NFAT5: variants seen among roughly 807,000 people sequenced by gnomAD.
NFAT5 encodes nuclear factor of activated T cells 5, also known as nuclear factor of activated T-cells 5.
A neutral mutation model predicts 166.5 loss-of-function variants in NFAT5; 31 were observed. The ratio of observed to expected loss-of-function variants is 0.19; its 90% CI spans 0.14 to 0.25. The LOEUF (loss-of-function observed/expected upper bound fraction) is 0.25, where lower values mean the gene tolerates loss of function less well. Ranked by LOEUF, NFAT5 falls within the 10% of genes least tolerant of loss-of-function variation. The pLI, the probability that NFAT5 is intolerant of heterozygous loss-of-function variation, is 1.00. For missense variants in NFAT5, 1,449 were observed against 1,821.8 expected (o/e 0.80, Z 3.72); for synonymous variants, 612 against 639.7 (o/e 0.96, Z 0.65).
At chr16:69,686,955 C>T (rs922100306) in intron 11 of NFAT5, among the ~76,000 whole-genome samples, 4 of 152,108 alleles carry the variant, frequency 2.6e-5, no homozygotes, top group African/African-American at 9.7e-5. Flanking sequence ...TTGACACCAG[C>T]TTGATGTTCT....
intron 2 of NFAT5, among the ~76,000 whole-genome samples, chr16:69,601,711 T>A (rs1402450903): frequency 6.6e-6 from 1 of 152,242 alleles, no homozygotes; most frequent in Non-Finnish European, 1.5e-5. Context: ...AATTAGCCAA[T>A]CCTTTGGTGA....
At chr16:69,574,325 T>G (rs1327003588) in intron 2 of NFAT5, among the ~76,000 whole-genome samples, 1 of 152,232 alleles carries the variant, frequency 6.6e-6, no homozygotes, top group Non-Finnish European at 1.5e-5. Context: ...AATAGAAATG[T>G]TGCTTATTAA....
intron 3 of NFAT5, among the ~76,000 whole-genome samples, chr16:69,639,771 G>A (rs999021160): frequency 6.6e-6 from 1 of 152,060 alleles, no homozygotes; most frequent in African/African-American, 2.4e-5. Context: ...CTTCTTCCAC[G>A]CTTCAAAAGA....
At position 69,638,057 on chromosome 16, in the gene NFAT5, A is replaced by G. The variant is rs144343198; in HGVS notation, c.254-8971A>G. Among the ~76,000 whole-genome samples, 460 of 152,166 alleles carry G rather than the reference A, an allele frequency of 3.0e-3. 4 individuals are homozygous for G. Among genetic ancestry groups the G allele is most frequent in the African/African-American group, 0.011 (438 of 41,508 alleles). On this transcript the variant is annotated intron_variant, in intron 3 of 14. Transcript: ENST00000349945. ...AACATGATGAAACCCTGGCTCTACTAAAAATACAAAAATTATCTGGGCATG... is the reference window on the plus strand; with the variant it reads ...AACATGATGAAACCCTGGCTCTACTGAAAATACAAAAATTATCTGGGCATG...
chr16:69,692,515 A>G lies in NFAT5; in HGVS notation c.2690A>G (p.Gln897Arg), dbSNP rs762105144. The G allele has an allele frequency of 9.9e-6, 16 of 1,609,660 alleles. No homozygotes were observed. Among genetic ancestry groups the G allele is most frequent in the Non-Finnish European group, 1.0e-5 (12 of 1,176,580 alleles). Reference sequence around the variant, plus strand: ...CAGTCTGAAAACACGTTATCTAATCAACAGCAGCAGCAGCAGCAGCAACAG... The same window carrying G: ...CAGTCTGAAAACACGTTATCTAATCGACAGCAGCAGCAGCAGCAGCAACAG... ...HPQSENTLSN[Q>R]QQQQQQQQQV... Residue 897 changes from glutamine to arginine, a missense_variant, in exon 13 of 15, where the codon CAA becomes CGA. This residue lies in a region of NFAT5 where 891 missense variants were observed against 993.0 expected (regional missense o/e 0.90). Transcript: ENST00000349945.
In NFAT5 at chr16:69,643,217, C is replaced by CAAA. The variant is rs34260614; in HGVS notation, c.254-3795_254-3793dup. Among the ~76,000 whole-genome samples, 48 of 88,842 alleles carry CAAA rather than the reference C, an allele frequency of 5.4e-4. 1 individual carries two copies. Among genetic ancestry groups the CAAA allele is most frequent in the African/African-American group, 2.0e-3 (47 of 23,298 alleles). The allele number at this position is 88,842 out of a possible 152,430, so 58.3% of individuals were successfully genotyped here. On this transcript the variant is annotated intron_variant, in intron 3 of 14. Coordinates refer to ENST00000349945, the MANE Select transcript of NFAT5 (RefSeq NM_138713.4). ...TGGGCAACAGAGCGAGAGTCCCTCT[C>CAAA]AAAAAAAAAAAAAAAAAAGAATATA...
chr16:69,627,347 TA>T lies in NFAT5; in HGVS notation c.253+820del, dbSNP rs2034512685. On this transcript the variant is annotated intron_variant, in intron 3 of 14. Transcript: ENST00000349945. ...ACATATATATATATATATATATATA[TA>T]TATATATATATATATATATATATAT... Among the ~76,000 whole-genome samples, 4 of 1,606 alleles carry T rather than the reference TA, an allele frequency of 2.5e-3. No homozygotes were observed. The South Asian group carries it at 0.052, about 21-fold the overall frequency. The allele number at this position is 1,606 out of a possible 152,430, so 1.1% of individuals were successfully genotyped here.
Position 69,700,032 on chromosome 16 carries a change from AG to A in NFAT5, c.*3682del, listed in dbSNP as rs1005542242. 4.6e-5 allele frequency: 7 copies of A among 152,204 alleles called. No individual in the cohort carries two copies. The highest frequency in any genetic ancestry group is 1.0e-4 in the Non-Finnish European group (7 of 68,030). 9.4% of individuals were successfully genotyped at this position (152,204 alleles called of 1,614,324 possible). The stretch of plus-strand genomic sequence containing the variant: ...GTTTTAAAACAAATAGTTTAAAAAA[AG>A]AACAAGTTTTTAAGGGCTTTATTAT... On this transcript the variant is annotated 3_prime_UTR_variant, in exon 15 of 15. Coordinates refer to ENST00000349945, the MANE Select transcript of NFAT5 (RefSeq NM_138713.4).
At chr16:69,624,728 A>G (rs2034369582) in intron 2 of NFAT5, among the ~76,000 whole-genome samples, 2 of 152,156 alleles carry the variant, frequency 1.3e-5, no homozygotes, top group African/African-American at 4.8e-5. Flanking sequence ...TACCATGGAT[A>G]AAATGTCTTA....
chr16:69,648,649 T>G, intron 4 of NFAT5: 1 of 967,908 alleles, frequency 1.0e-6, no homozygotes, highest in Non-Finnish European at 1.2e-6. Flanking sequence ...CTTTAGTAAT[T>G]TTATTGTAAT....
chr16:69,617,335 T>TC (rs2034000685), intron 2 of NFAT5, among the ~76,000 whole-genome samples: 1 of 152,184 alleles, frequency 6.6e-6, no homozygotes, highest in African/African-American at 2.4e-5. Context: ...GGTGTATGGA[T>TC]TCTTGATAAC....
intron 2 of NFAT5, among the ~76,000 whole-genome samples, chr16:69,615,804 C>T (rs1597403955): frequency 6.6e-6 from 1 of 152,074 alleles, no homozygotes. Context: ...AACCAATCTC[C>T]CATTGCTACT....
intron 2 of NFAT5, among the ~76,000 whole-genome samples, chr16:69,616,760 A>G (rs1390439031): frequency 6.6e-6 from 1 of 151,390 alleles, no homozygotes; most frequent in Admixed American, 6.6e-5. Context: ...CTCTGCATCT[A>G]GAATATCTCT....
At chr16:69,662,283 T>C (rs2036177770) in intron 7 of NFAT5, among the ~76,000 whole-genome samples, 1 of 152,102 alleles carries the variant, frequency 6.6e-6, no homozygotes, top group African/African-American at 2.4e-5. Flanking sequence ...TTTTCATATC[T>C]ACCCTTCTGT....
rs1471435417 is a variant in NFAT5 at position 69,648,713 on chromosome 16, T to G, written c.812+1127T>G. 6 of 973,474 alleles carry G rather than the reference T, an allele frequency of 6.2e-6. No homozygotes were observed. The African/African-American group carries it at 1.1e-4, about 17-fold the overall frequency. 60.3% of individuals were successfully genotyped at this position (973,474 alleles called of 1,614,324 possible). A position where few individuals can be genotyped will look rare whatever the true frequency, so the allele number is the denominator to read the frequency against. ...TTTTGTATAGTACATTCAAAATAAT[T>G]TGTTAAAATTTAACTCTCTAGGACC... On this transcript the variant is annotated intron_variant, in intron 4 of 14. Coordinates refer to ENST00000349945, the MANE Select transcript of NFAT5 (RefSeq NM_138713.4).
intron 3 of NFAT5, chr16:69,646,689 T>A (rs894011415): frequency 3.6e-6 from 1 of 275,636 alleles, no homozygotes; most frequent in Non-Finnish European, 6.4e-6. Flanking sequence ...TATTTCATAT[T>A]GGGGTTTTCT....
At chr16:69,689,765 G>A (rs1047523760) in intron 11 of NFAT5, among the ~76,000 whole-genome samples, 1 of 152,086 alleles carries the variant, frequency 6.6e-6, no homozygotes, top group South Asian at 2.1e-4. Context: ...GGCTGGTCTC[G>A]AACTGCTGGC....
chr16:69,602,270 CTTT>C (rs66903207), intron 2 of NFAT5, among the ~76,000 whole-genome samples: 1 of 136,554 alleles, frequency 7.3e-6, no homozygotes. Context: ...TGGTTATTAT[CTTT>C]TTTTTTTTTT....
intron 3 of NFAT5, among the ~76,000 whole-genome samples, chr16:69,644,455 C>G (rs1031224068): frequency 3.9e-5 from 6 of 152,034 alleles, no homozygotes; most frequent in Admixed American, 2.6e-4. Context: ...TTTGTGCTAA[C>G]TTTTTCTTTA....
Sources: allele counts gnomAD v4.1 joint callset (sites outside exome capture counted in the v4.1 genomes callset), GRCh38; gene constraint gnomAD v4.1.1; regional missense constraint gnomAD v4.1.1; transcripts MANE v1.5; gene names NCBI Gene and HGNC (gene_info 2026-07-23, HGNC 2026-07-21).